The following KDM6A variants were observed in gnomAD, a reference collection of about 807,000 sequenced individuals.
KDM6A encodes the protein lysine demethylase 6A.
KDM6A carries 11 observed loss-of-function variants against 117.6 expected under a neutral mutation model. The ratio of observed to expected loss-of-function variants is 0.09; its 90% CI spans 0.06 to 0.15. The LOEUF (loss-of-function observed/expected upper bound fraction) is 0.15. Ranked by LOEUF, KDM6A falls within the 10% of genes least tolerant of loss-of-function variation. The probability of loss-of-function intolerance (pLI) is 1.00; values close to 1 mark genes in which losing one functional copy is unlikely to be tolerated. For synonymous variants in KDM6A, 384 were observed against 396.1 expected, an observed-to-expected ratio of 0.97 and a Z score of 0.36; for missense variants, 799 against 1,077.3, an observed-to-expected ratio of 0.74 and a Z score of 3.62.
chrX:45,091,167 CCA>C (rs1324861211), intron 27 of KDM6A, among the ~76,000 whole-genome samples: 7 of 111,255 alleles, frequency 6.3e-5, no homozygotes, highest in African/African-American at 2.3e-4. Context: ...TGAAAATCTA[CCA>C]TTAATAACTT....
In KDM6A at chrX:44,874,017, A is replaced by C. The variant is rs202137810; in HGVS notation, c.225+30A>C. 495 of 1,179,476 alleles carry C rather than the reference A, an allele frequency of 4.2e-4. No individual in the cohort carries two copies. In the African/African-American group the frequency reaches 8.0e-3, roughly 19 times the overall value. On this transcript the variant is annotated intron_variant, in intron 2 of 29. Coordinates refer to ENST00000611820, the MANE Select transcript of KDM6A (RefSeq NM_001291415.2). The stretch of plus-strand genomic sequence containing the variant: ...GGCAGCTGCGAGTCGGAGCGCGGAC[A>C]CCGTCTCCCTGGCCGGCGCCGCGCT...
intron 2 of KDM6A, among the ~76,000 whole-genome samples, chrX:44,877,947 G>T (rs1390687719): frequency 9.0e-6 from 1 of 111,225 alleles, no homozygotes; most frequent in Admixed American, 9.7e-5. Context: ...CTTAAATTTG[G>T]TTTGCTGGCG....
chrX:44,986,633 A>G (rs766877338), intron 4 of KDM6A, among the ~76,000 whole-genome samples: 138 of 111,772 alleles, frequency 1.2e-3, no homozygotes, highest in African/African-American at 4.4e-3. Context: ...TTGGTTTCAA[A>G]GAACATCTTT....
intron 2 of KDM6A, among the ~76,000 whole-genome samples, chrX:44,958,594 C>G (rs1170289538): frequency 1.1e-5 from 1 of 91,840 alleles, no homozygotes; most frequent in Non-Finnish European, 2.1e-5. Flanking sequence ...TGTGGGACAA[C>G]TATATAGACC....
intron 10 of KDM6A, among the ~76,000 whole-genome samples, chrX:45,054,722 G>A (rs2043998975): frequency 8.9e-6 from 1 of 111,808 alleles, no homozygotes; most frequent in Admixed American, 9.5e-5. Flanking sequence ...AGGACACTTA[G>A]ATTCAAGTCC....
Position 45,062,751 on chromosome X carries a change from G to A in KDM6A, c.1683+3G>A, listed in dbSNP as rs61751429. On this transcript the variant is annotated splice_donor_region_variant and intron_variant, in intron 16 of 29. Transcript: ENST00000611820. ...TTGTCTTAATGCAACAACACCAAGT[G>A]TGTATAGCATATTTTTCCCTGAAAT... 4,298 of 1,113,530 alleles carry A rather than the reference G, an allele frequency of 3.9e-3. 7 individuals carry two copies. The highest frequency in any genetic ancestry group is 4.7e-3 in the Non-Finnish European group (3,790 of 807,548). The allele number at this position is 1,113,530 out of a possible 1,213,427, so 91.8% of individuals were successfully genotyped here. A position where few individuals can be genotyped will look rare whatever the true frequency, so the allele number is the denominator to read the frequency against.
chrX:44,923,897 A>G (rs1267477344), intron 2 of KDM6A, among the ~76,000 whole-genome samples: 3 of 110,214 alleles, frequency 2.7e-5, no homozygotes, highest in Non-Finnish European at 5.7e-5. Flanking sequence ...TAATTTTTGT[A>G]TTTTTAGTGG....
At chrX:45,070,650 C>T (rs2044778661) in intron 18 of KDM6A, among the ~76,000 whole-genome samples, 2 of 109,192 alleles carry the variant, frequency 1.8e-5, no homozygotes, top group Admixed American at 2.0e-4. Context: ...GGGATTTAAA[C>T]AAGAGAATGG....
chrX:45,014,049 T>C (rs2041871178), intron 5 of KDM6A, among the ~76,000 whole-genome samples: 1 of 111,876 alleles, frequency 8.9e-6, no homozygotes, highest in Admixed American at 9.5e-5. Flanking sequence ...ATTGTCAGCA[T>C]GAAGAATCTG....
At chrX:45,059,528 G>T (rs1253424145) in intron 12 of KDM6A, 62 bp downstream of exon 12, 2 of 839,705 alleles carry the variant, frequency 2.4e-6, no homozygotes, top group Non-Finnish European at 3.5e-6. Flanking sequence ...TCAGGCAGAA[G>T]GAGGGTGGCT....
chrX:45,054,239 A>C (rs768798179), intron 10 of KDM6A, among the ~76,000 whole-genome samples: 12 of 111,956 alleles, frequency 1.1e-4, no homozygotes, highest in African/African-American at 3.9e-4. Context: ...ATCCAATAGT[A>C]ACTTTTAATG....
At chrX:44,972,120 A>C (rs1474683357) in intron 3 of KDM6A, among the ~76,000 whole-genome samples, 1 of 111,517 alleles carries the variant, frequency 9.0e-6, no homozygotes, top group Non-Finnish European at 1.9e-5. Flanking sequence ...CAACTTGGTC[A>C]CTAGTGAAGG....
intron 9 of KDM6A, among the ~76,000 whole-genome samples, chrX:45,052,815 G>A (rs1161179299): frequency 9.0e-6 from 1 of 111,235 alleles, no homozygotes; most frequent in Non-Finnish European, 1.9e-5. Context: ...TCAGCCCCCC[G>A]AGTAGCTAGG....
At chrX:44,961,113 G>A (rs1047420480) in intron 2 of KDM6A, among the ~76,000 whole-genome samples, 171 bp from the exon 3 acceptor site, 5 of 111,519 alleles carry the variant, frequency 4.5e-5, no homozygotes, top group Admixed American at 2.9e-4. Context: ...AAATACATAG[G>A]GAAGCTGTTC....
chrX:44,907,496 T>C (rs1201002892), intron 2 of KDM6A, among the ~76,000 whole-genome samples: 1 of 105,037 alleles, frequency 9.5e-6, no homozygotes, highest in Admixed American at 1.0e-4. Flanking sequence ...TTTTTTTTTT[T>C]CTGAGACAGC....
rs1430118722 is a variant in KDM6A, at chrX:45,107,446, A to G, written c.4071A>G (p.Thr1357=). The G allele has an allele frequency of 8.3e-7, 1 of 1,208,518 alleles. No individual in the cohort carries two copies. The highest frequency in any genetic ancestry group is 2.2e-5 in the Admixed American group (1 of 46,029). ...TAAGAACTCTGAAGCAATGTCAGACATTGAGGGAAGCTCTCATTGCTGCAG... is the reference window on the plus strand; with the variant it reads ...TAAGAACTCTGAAGCAATGTCAGACGTTGAGGGAAGCTCTCATTGCTGCAG... ...CLLRTLKQCQ[T]LREALIAAGK... Residue 1357 remains threonine, a synonymous_variant, in exon 28 of 30, where the codon ACA becomes ACG. Transcript: ENST00000611820.
At chrX:45,077,420 T>G (rs979887870) in intron 19 of KDM6A, among the ~76,000 whole-genome samples, 1 of 111,574 alleles carries the variant, frequency 9.0e-6, no homozygotes, top group Admixed American at 9.5e-5. Flanking sequence ...TTTCCTTTCA[T>G]TTTCCTGCTT....
chrX:44,877,574 G>A (rs2031799438), intron 2 of KDM6A, among the ~76,000 whole-genome samples: 1 of 107,707 alleles, frequency 9.3e-6, no homozygotes, highest in Non-Finnish European at 1.9e-5. Context: ...TTGAGTTAAA[G>A]TAGAATATAT....
At chrX:44,898,893 C>T (rs2034104358) in intron 2 of KDM6A, among the ~76,000 whole-genome samples, 1 of 106,472 alleles carries the variant, frequency 9.4e-6, no homozygotes. Flanking sequence ...CCTTCCAGTA[C>T]CACCTGGTGC....
Sources: allele counts gnomAD v4.1 joint callset (sites outside exome capture counted in the v4.1 genomes callset), GRCh38; gene constraint gnomAD v4.1.1; transcripts MANE v1.5; gene names NCBI Gene and HGNC (gene_info 2026-07-23, HGNC 2026-07-21).